Variants in GTF2IRD2B observed in about 807,000 individuals in gnomAD.
GTF2IRD2B encodes the protein GTF2I repeat domain containing 2B, also known as general transcription factor II-I repeat domain-containing protein 2B.
In GTF2IRD2B, 10 loss-of-function variants were observed where a neutral mutation model predicts 55.6. The observed-to-expected ratio is 0.18, with a 90% CI of 0.11 to 0.31. The LOEUF (loss-of-function observed/expected upper bound fraction) is 0.31. Ranked by LOEUF, GTF2IRD2B falls within the 10% of genes least tolerant of loss-of-function variation. The pLI, the probability that GTF2IRD2B is intolerant of heterozygous loss-of-function variation, is 1.00. For synonymous variants in GTF2IRD2B, 107 were observed against 320.5 expected, an observed-to-expected ratio of 0.33 and a Z score of 7.12; for missense variants, 206 against 802.7, an observed-to-expected ratio of 0.26 and a Z score of 8.98.
chr7:75,118,916 C>T (rs587686429), intron 3 of GTF2IRD2B, among the ~76,000 whole-genome samples: 15 of 137,176 alleles, frequency 1.1e-4, no homozygotes, highest in Admixed American at 9.2e-4. Flanking sequence ...ATGAAATGGC[C>T]GGGCATGGTA....
chr7:75,136,319 G>C (rs1277100441), intron 10 of GTF2IRD2B, among the ~76,000 whole-genome samples: 3 of 139,642 alleles, frequency 2.1e-5, no homozygotes, highest in Non-Finnish European at 4.6e-5. Flanking sequence ...TTTTTTTTGA[G>C]ACAGAATCTC....
intron 1 of GTF2IRD2B, among the ~76,000 whole-genome samples, chr7:75,101,481 C>T (rs1332759635): frequency 6.6e-6 from 1 of 151,162 alleles, no homozygotes; most frequent in Non-Finnish European, 1.5e-5. Context: ...AGGAGCATTG[C>T]TTGAGCCCAG....
At chr7:75,099,781 T>TA (rs1554449272) in intron 1 of GTF2IRD2B, among the ~76,000 whole-genome samples, 1 of 139,562 alleles carries the variant, frequency 7.2e-6, no homozygotes, top group Non-Finnish European at 1.6e-5. Flanking sequence ...AATAAATAAA[T>TA]AAAACATAAT....
At chr7:75,107,316 C>T (rs1807838329) in intron 1 of GTF2IRD2B, among the ~76,000 whole-genome samples, 2 of 152,176 alleles carry the variant, frequency 1.3e-5, no homozygotes, top group Admixed American at 1.3e-4. Flanking sequence ...TGGCTCACGC[C>T]TGTAATCCCA....
At chr7:75,117,907 AC>A (rs1554451525) in intron 3 of GTF2IRD2B, among the ~76,000 whole-genome samples, 1 of 152,200 alleles carries the variant, frequency 6.6e-6, no homozygotes, top group African/African-American at 2.4e-5. Context: ...ACATGGCGAA[AC>A]CCCATCTGTA....
At position 75,119,989 on chromosome 7, in the gene GTF2IRD2B, C is replaced by T. The variant is rs1251309066; in HGVS notation, c.239-902C>T. Among the ~76,000 whole-genome samples, 17 of 129,286 alleles carry T rather than the reference C, an allele frequency of 1.3e-4. 5 individuals are homozygous for T. The highest frequency in any genetic ancestry group is 5.8e-4 in the African/African-American group (16 of 27,548). The allele number at this position is 129,286 out of a possible 152,430, so 84.8% of individuals were successfully genotyped here. A position where few individuals can be genotyped will look rare whatever the true frequency, so the allele number is the denominator to read the frequency against. On this transcript the variant is annotated intron_variant, in intron 3 of 15. Transcript: ENST00000472837. ...TAAAAAATACAAAAACTTAGCCGGGCGTGGTGGCAGGCACCTGTAGTCCCA... is the reference window on the plus strand; with the variant it reads ...TAAAAAATACAAAAACTTAGCCGGGTGTGGTGGCAGGCACCTGTAGTCCCA...
chr7:75,123,368 C>A, intron 5 of GTF2IRD2B, 49 bp downstream of exon 5: 1 of 701,880 alleles, frequency 1.4e-6, no homozygotes, highest in Non-Finnish European at 2.2e-6. Flanking sequence ...AAGATGAAAC[C>A]AATAGCCTAA....
At chr7:75,116,640 C>CTTTT (rs782017384) in intron 3 of GTF2IRD2B, among the ~76,000 whole-genome samples, 1 of 118,348 alleles carries the variant, frequency 8.4e-6, no homozygotes, top group African/African-American at 3.3e-5. Flanking sequence ...TTTGCCATTT[C>CTTTT]TTTTTTTTTT....
chr7:75,092,931 C>G (rs1280755090), intron 1 of GTF2IRD2B, among the ~76,000 whole-genome samples, 166 bp downstream of exon 1: 1 of 151,586 alleles, frequency 6.6e-6, no homozygotes, highest in African/African-American at 2.4e-5. Flanking sequence ...CACCCCCGAA[C>G]CCCGATCCCT....
At chr7:75,130,659 A>G (rs1222811934) in intron 8 of GTF2IRD2B, among the ~76,000 whole-genome samples, 1 of 147,608 alleles carries the variant, frequency 6.8e-6, no homozygotes, top group Non-Finnish European at 1.5e-5. Context: ...TGTATTTTTA[A>G]TAGAGACGGG....
intron 1 of GTF2IRD2B, among the ~76,000 whole-genome samples, chr7:75,104,934 C>T (rs1554449999): frequency 6.6e-6 from 1 of 152,304 alleles, no homozygotes; most frequent in Non-Finnish European, 1.5e-5. Context: ...GTGGCTCACA[C>T]CTGTAATCCC....
At chr7:75,093,782 T>TA (rs1433840284) in intron 1 of GTF2IRD2B, 2 of 148,182 alleles carry the variant, frequency 1.3e-5, no homozygotes, top group African/African-American at 5.0e-5. Context: ...TTTTGGCTGT[T>TA]ATGAATAATA....
chr7:75,116,816 T>C lies in GTF2IRD2B; in HGVS notation c.239-4075T>C, dbSNP rs1808175034. ...TGCCACCACACCTGGCTAATTTTTG[T>C]ATTTTTTTAGTAGAGGTGGGGTTTC... On this transcript the variant is annotated intron_variant, in intron 3 of 15. Transcript: ENST00000472837. Among the ~76,000 whole-genome samples, 14 of 150,286 alleles carry C rather than the reference T, an allele frequency of 9.3e-5. No individual in the cohort carries two copies. In the South Asian group the frequency reaches 2.7e-3, roughly 29 times the overall value.
chr7:75,148,245 G>A lies in GTF2IRD2B; in HGVS notation c.1798G>A (p.Glu600Lys). The A allele has an allele frequency of 1.9e-6, 3 of 1,613,868 alleles. No individual in the cohort carries two copies. The highest frequency in any genetic ancestry group is 1.7e-4 in the Middle Eastern group (1 of 6,056). Residue 600 changes from glutamate (E) to lysine (K), a missense_variant, in exon 16 of 16, where the codon GAG (glutamate) becomes AAG (lysine). Transcript: ENST00000472837. ...TGGCAACGAGATCTTTTTGCGTGTT[G>A]AGAAGAGCCTGAAAAAGTTCTGTAT... ...KSGNEIFLRV[E>K]KSLKKFCINW...
chr7:75,102,994 A>G (rs1426776182), intron 1 of GTF2IRD2B, among the ~76,000 whole-genome samples: 8 of 149,582 alleles, frequency 5.3e-5, no homozygotes, highest in African/African-American at 2.0e-4. Flanking sequence ...TATATAAAAT[A>G]AGGCTGGGCA....
intron 1 of GTF2IRD2B, among the ~76,000 whole-genome samples, chr7:75,108,589 G>A (rs1584527652): frequency 2.0e-5 from 1 of 49,422 alleles, no homozygotes; most frequent in Non-Finnish European, 4.2e-5. Context: ...GCGAAACCCC[G>A]TCTTTACAAA....
At position 75,147,824 on chromosome 7, in the gene GTF2IRD2B, A is replaced by C. The variant is rs1554454451; in HGVS notation, c.1377A>C (p.Glu459Asp). Reference protein sequence around the residue: ...ICKQSMSVSKEYNLRRHYQTN... With the variant: ...ICKQSMSVSKDYNLRRHYQTN... ...AACAAAGCATGTCTGTGTCCAAAGAATATAACCTAAGACGCCACTATCAAA... is the reference window on the plus strand; with the variant it reads ...AACAAAGCATGTCTGTGTCCAAAGACTATAACCTAAGACGCCACTATCAAA... The change falls in exon 16 of 16, where the codon GAA (glutamate) becomes GAC (aspartate). Residue 459 changes from glutamate to aspartate, a missense_variant. Physicochemically the swap from Glu to Asp is conservative, Grantham distance 45. Coordinates refer to ENST00000472837, the MANE Select transcript of GTF2IRD2B (RefSeq NM_001003795.3). 2 of 806,424 alleles carry C rather than the reference A, an allele frequency of 2.5e-6. No homozygotes were observed. Among genetic ancestry groups the C allele is most frequent in the East Asian group, 2.4e-5 (1 of 41,284 alleles). The allele number at this position is 806,424 out of a possible 1,614,324, so 50.0% of individuals were successfully genotyped here.
intron 1 of GTF2IRD2B, among the ~76,000 whole-genome samples, chr7:75,106,977 T>C (rs1320729620): frequency 6.6e-6 from 1 of 151,390 alleles, no homozygotes; most frequent in Non-Finnish European, 1.5e-5. Context: ...TGGCAAAATT[T>C]AGAGTGAGCT....
At chr7:75,103,111 C>G (rs1339550581) in intron 1 of GTF2IRD2B, among the ~76,000 whole-genome samples, 1 of 151,872 alleles carries the variant, frequency 6.6e-6, no homozygotes, top group Admixed American at 6.6e-5. Flanking sequence ...AACCCCGTCT[C>G]TACTAAAAAA....
Sources: allele counts gnomAD v4.1 joint callset (sites outside exome capture counted in the v4.1 genomes callset), GRCh38; gene constraint gnomAD v4.1.1; transcripts MANE v1.5; gene names NCBI Gene and HGNC (gene_info 2026-07-23, HGNC 2026-07-21).